The following HERC1 variants were observed in gnomAD, a reference collection of about 807,000 sequenced individuals.
The protein encoded by HERC1 is HECT and RLD domain containing E3 ubiquitin protein ligase family member 1.
HERC1 carries 160 observed loss-of-function variants against 554.3 expected under a neutral mutation model. The ratio of observed to expected loss-of-function variants is 0.29; its 90% confidence interval spans 0.25 to 0.33. The LOEUF (loss-of-function observed/expected upper bound fraction) is 0.33. Ranked by LOEUF, HERC1 falls within the 10% of genes least tolerant of loss-of-function variation. The pLI is 1.00. For missense variants in HERC1, 4,919 were observed against 5,918.5 expected, an observed-to-expected ratio of 0.83 and a Z score of 5.54; for synonymous variants, 2,175 against 2,131.7, an observed-to-expected ratio of 1.02 and a Z score of -0.56.
At chr15:63,708,921 A>C (rs540461239) in intron 24 of HERC1, among the ~76,000 whole-genome samples, 58 of 152,224 alleles carry the variant, frequency 3.8e-4, no homozygotes, top group African/African-American at 1.3e-3. Flanking sequence ...CTTTCTCTCT[A>C]GTTCTTGTCT....
chr15:63,632,827 G>GTT lies in HERC1; in HGVS notation c.12694-17_12694-16insAA, dbSNP rs1441909065. ...CGTCAATTTTCTACAAAATAAAAGT[G>GTT]TAAGGCACACAACTTTAAGAAGAAA... On this transcript the variant is annotated splice_polypyrimidine_tract_variant and intron_variant, in intron 67 of 77. Transcript: ENST00000443617. 20 of 1,495,942 alleles carry GTT rather than the reference G, an allele frequency of 1.3e-5. No homozygotes were observed. Among genetic ancestry groups the GTT allele is most frequent in the Non-Finnish European group, 1.7e-5 (19 of 1,097,400 alleles). 92.7% of individuals were successfully genotyped at this position (1,495,942 alleles called of 1,614,324 possible). A position where few individuals can be genotyped will look rare whatever the true frequency, so the allele number is the denominator to read the frequency against.
At chr15:63,675,903 CT>C (rs201499820) in intron 37 of HERC1, among the ~76,000 whole-genome samples, 4,204 of 133,214 alleles carry the variant, frequency 0.032, 83 homozygotes, top group Admixed American at 0.1. Context: ...CTGTATACAT[CT>C]TTTTTTTTTT....
Position 63,694,496 on chromosome 15 carries a change from G to C in HERC1, c.5296C>G (p.Gln1766Glu). 6.2e-7 allele frequency: 1 copy of C among 1,614,030 alleles called. No homozygotes were observed. The highest frequency in any genetic ancestry group is 1.7e-5 in the Admixed American group (1 of 60,022). Residue 1766 changes from glutamine (Q) to glutamate (E), a missense_variant, in exon 29 of 78, where the codon CAA becomes GAA. Gln to Glu is a conservative substitution (Grantham distance 29). This residue lies in a region of HERC1 where 1,121 missense variants were observed against 1,244.0 expected (regional missense o/e 0.90). Transcript: ENST00000443617. The surrounding 1 kb of genome is among the most constrained non-coding windows in gnomAD (Gnocchi z 4.3). Reference protein sequence around the residue: ...VTVFALSVHYQPVDVSLAIST... With the variant: ...VTVFALSVHYEPVDVSLAIST... ...ATTGCCAAAGAAACATCTACTGGTT[G>C]ATAATGAACACTTAGGGCAAAAACT...
rs2072404939 is a variant in HERC1, at chr15:63,696,239, TG to T, written c.5005del (p.Gln1669SerfsTer9). On this transcript the variant is annotated frameshift_variant, in exon 27 of 78. Transcript: ENST00000443617. LOFTEE classifies it high-confidence loss of function. ...LAGSRLSSGF[Q>X]SSTLLTSVRL... ...CACAGACGTGAGTAGTGTGGAGGAC[TG>T]GAAGCCTGAACTCAATCTGCTTCCT... The T allele has an allele frequency of 6.2e-7, 1 of 1,613,296 alleles. No homozygotes were observed. The highest frequency in any genetic ancestry group is 1.7e-5 in the Admixed American group (1 of 59,918).
chr15:63,746,787 C>T (rs769800448), intron 12 of HERC1, 131 bp downstream of exon 12: 5 of 798,316 alleles, frequency 6.3e-6, no homozygotes, highest in Non-Finnish European at 9.6e-6. Context: ...AATACTCTCA[C>T]CAAGAAAACA....
chr15:63,652,516 T>G lies in HERC1; in HGVS notation c.10316A>C (p.Lys3439Thr), dbSNP rs937388265. The stretch of plus-strand genomic sequence containing the variant: ...GCCACTTGTAGCCAAAAGACCTTTT[T>G]TATTACACCAAACACATGTCATTAC... ...NRVMTCVWCNKKGLLATSGND... is the reference protein window; with the variant it reads ...NRVMTCVWCNTKGLLATSGND... Residue 3439 changes from lysine to threonine, a missense_variant, in exon 52 of 78, where the codon AAA becomes ACA. Lys to Thr is a moderately conservative substitution (Grantham distance 78). Transcript: ENST00000443617. The G allele has an allele frequency of 2.5e-6, 4 of 1,600,642 alleles. No individual in the cohort carries two copies. The African/African-American group carries it at 5.3e-5, about 21-fold the overall frequency.
At chr15:63,755,464 G>T in intron 5 of HERC1, 139 bp from the exon 6 acceptor site, 1 of 694,324 alleles carries the variant, frequency 1.4e-6, no homozygotes, top group Non-Finnish European at 2.5e-6. Context: ...TGTGGAGGCT[G>T]TGTTCAGGCC....
Position 63,712,830 on chromosome 15 carries a change from G to C in HERC1, c.4529C>G (p.Ser1510Trp), listed in dbSNP as rs757745102. 6.2e-7 allele frequency: 1 copy of C among 1,613,494 alleles called. No individual in the cohort carries two copies. Among genetic ancestry groups the C allele is most frequent in the African/African-American group, 1.3e-5 (1 of 74,986 alleles). Reference protein sequence around the residue: ...HTSPNYRLIKSRSESDLSQPE... With the variant: ...HTSPNYRLIKWRSESDLSQPE... ...CTGAGACAAATCAGATTCACTCCTC[G>C]ATTTGATCAGTCTATAATTTGGGCT... is the stretch of plus-strand genomic sequence containing the variant. The change falls in exon 24 of 78, where the codon TCG becomes TGG. Residue 1510 changes from serine to tryptophan, a missense_variant. By Grantham distance (177) the Ser-to-Trp change is radical. Coordinates refer to ENST00000443617, the MANE Select transcript of HERC1 (RefSeq NM_003922.4).
rs764467408 is a variant in HERC1 at position 63,630,589 on chromosome 15, T to C, written c.12843A>G (p.Arg4281=). The C allele has an allele frequency of 6.2e-7, 1 of 1,613,774 alleles. No individual in the cohort carries two copies. Among genetic ancestry groups the C allele is most frequent in the Non-Finnish European group, 8.5e-7 (1 of 1,179,808 alleles). The change falls in exon 69 of 78, where the codon CGA becomes CGG. Residue 4281 remains arginine (R), a synonymous_variant. Coordinates refer to ENST00000443617, the MANE Select transcript of HERC1 (RefSeq NM_003922.4). ...CAGCCAGGACAGGGATTTGTTGCGG[T>C]CGATTGTGATTGCGAGCACGCCCCT... is the stretch of plus-strand genomic sequence containing the variant. ...LPEGRARNHN[R]PQQIPVLAGV...
intron 1 of HERC1, among the ~76,000 whole-genome samples, chr15:63,800,142 A>G (rs2076933133): frequency 6.6e-6 from 1 of 152,130 alleles, no homozygotes; most frequent in African/African-American, 2.4e-5. Flanking sequence ...CTTAAGAAAA[A>G]AAGAAGAAGA....
chr15:63,817,020 G>A (rs190188326), intron 1 of HERC1, among the ~76,000 whole-genome samples: 39 of 152,170 alleles, frequency 2.6e-4, no homozygotes, highest in Admixed American at 2.2e-3. Flanking sequence ...AGGAAATTCA[G>A]GAGACAGGAA....
chr15:63,648,082 A>G lies in HERC1; in HGVS notation c.10865T>C (p.Ile3622Thr), dbSNP rs1379343757. ...EPLEKGGIVL[I>T]DAHKDTLISM... Reference sequence around the variant, plus strand: ...AGATGCATTTACCTTATGTGCATCAATTAGAACAATGCCTCCTTTCTCAAG... The same window carrying G: ...AGATGCATTTACCTTATGTGCATCAGTTAGAACAATGCCTCCTTTCTCAAG... The change falls in exon 55 of 78, where the codon ATT becomes ACT. Residue 3622 changes from isoleucine (I) to threonine (T), a missense_variant. By Grantham distance (89) the Ile-to-Thr change is moderately conservative. Coordinates refer to ENST00000443617, the MANE Select transcript of HERC1 (RefSeq NM_003922.4). 3.9e-6 allele frequency: 6 copies of G among 1,557,818 alleles called. No homozygotes were observed. The highest frequency in any genetic ancestry group is 3.6e-5 in the South Asian group (3 of 84,496).
intron 76 of HERC1, 67 bp downstream of exon 76, chr15:63,615,701 C>T (rs2152726299): frequency 7.5e-7 from 1 of 1,338,124 alleles, no homozygotes; most frequent in Non-Finnish European, 1.0e-6. Context: ...TTTGGCATAC[C>T]CAGTCAGCTC....
At chr15:63,628,627 G>A in intron 70 of HERC1, 50 bp downstream of exon 70, 1 of 1,551,950 alleles carries the variant, frequency 6.4e-7, no homozygotes, top group Non-Finnish European at 8.7e-7. Flanking sequence ...GTGCCATGGG[G>A]TACTGCTAAA....
intron 1 of HERC1, among the ~76,000 whole-genome samples, chr15:63,801,892 TCTC>T (rs2077000349): frequency 6.6e-6 from 1 of 152,072 alleles, no homozygotes; most frequent in Non-Finnish European, 1.5e-5. Context: ...AGTCAAAACT[TCTC>T]CTGAGCTCCA....
chr15:63,679,233 G>A (rs2071354463), intron 36 of HERC1, among the ~76,000 whole-genome samples: 1 of 152,228 alleles, frequency 6.6e-6, no homozygotes, highest in Non-Finnish European at 1.5e-5. Context: ...GATGGTATCA[G>A]GCACTGGGCT....
At chr15:63,776,764 G>A (rs1255594008) in intron 1 of HERC1, among the ~76,000 whole-genome samples, 1 of 152,104 alleles carries the variant, frequency 6.6e-6, no homozygotes. Flanking sequence ...TCAGGAGTTT[G>A]AGACCCGCCT....
intron 12 of HERC1, among the ~76,000 whole-genome samples, chr15:63,741,937 C>T (rs975687497): frequency 2.0e-5 from 3 of 152,168 alleles, no homozygotes; most frequent in Non-Finnish European, 2.9e-5. Flanking sequence ...TAACTTTCCT[C>T]TTCTTTTTCA....
In HERC1 at chr15:63,654,190, G is replaced by C; in HGVS notation, c.10219C>G (p.Gln3407Glu). The change falls in exon 51 of 78, where the codon CAG (glutamine) becomes GAG (glutamate). Residue 3407 changes from glutamine (Q) to glutamate (E), a missense_variant. Coordinates refer to ENST00000443617, the MANE Select transcript of HERC1 (RefSeq NM_003922.4). Reference sequence around the variant, plus strand: ...TCTCCTCCCATATCAGCAAGTGTCTGCAGAGTAGTTTGGTTGTCACGGTCG... The same window carrying C: ...TCTCCTCCCATATCAGCAAGTGTCTCCAGAGTAGTTTGGTTGTCACGGTCG... The part of the protein sequence containing the change: ...AHDRDNQTTL[Q>E]TLADMGGDLR... The C allele has an allele frequency of 6.2e-7, 1 of 1,613,998 alleles. No homozygotes were observed. The highest frequency in any genetic ancestry group is 8.5e-7 in the Non-Finnish European group (1 of 1,179,850).
Sources: allele counts gnomAD v4.1 joint callset (sites outside exome capture counted in the v4.1 genomes callset), GRCh38; gene constraint gnomAD v4.1.1; regional missense constraint gnomAD v4.1.1; non-coding constraint Gnocchi (gnomAD v3.1); transcripts MANE v1.5; gene names NCBI Gene and HGNC (gene_info 2026-07-23, HGNC 2026-07-21).